Variants in SLC4A10 observed in about 807,000 individuals in gnomAD.
The protein encoded by SLC4A10 is sodium-driven chloride bicarbonate exchanger.
A neutral mutation model predicts 137.7 loss-of-function variants in SLC4A10; 42 were observed. The observed-to-expected ratio is 0.30, with a 90% CI of 0.24 to 0.39. The LOEUF (loss-of-function observed/expected upper bound fraction) is 0.39. Among genes scored for constraint, SLC4A10 ranks in the 10% least tolerant of loss-of-function variants. SLC4A10 has a pLI of 1.00. For missense variants in SLC4A10, 925 were observed against 1,355.0 expected (o/e 0.68, Z 4.98); for synonymous variants, 474 against 464.1 (o/e 1.02, Z -0.27).
intron 1 of SLC4A10, among the ~76,000 whole-genome samples, chr2:161,682,540 G>C (rs1324769085): frequency 2.6e-5 from 4 of 152,086 alleles, no homozygotes; most frequent in African/African-American, 9.7e-5. Context: ...ATGAGATGCT[G>C]TTTTGTTTAT....
intron 3 of SLC4A10, among the ~76,000 whole-genome samples, chr2:161,807,159 G>A (rs1559292879): frequency 6.6e-6 from 1 of 152,026 alleles, no homozygotes; most frequent in African/African-American, 2.4e-5. Context: ...GGAAAGACCT[G>A]CCCCCCATGA....
intron 15 of SLC4A10, among the ~76,000 whole-genome samples, chr2:161,938,992 A>G (rs1692142638): frequency 6.6e-6 from 1 of 152,130 alleles, no homozygotes; most frequent in Non-Finnish European, 1.5e-5. Flanking sequence ...TCTAAATAAT[A>G]TGCTTATATT....
chr2:161,734,301 C>T (rs1009953345), intron 1 of SLC4A10, among the ~76,000 whole-genome samples: 4 of 152,094 alleles, frequency 2.6e-5, no homozygotes, highest in Non-Finnish European at 5.9e-5. Flanking sequence ...TGTGGGAGAT[C>T]ATTTGAATCA....
At chr2:161,978,629 C>G (rs1469918880) in intron 26 of SLC4A10, among the ~76,000 whole-genome samples, 2 of 152,106 alleles carry the variant, frequency 1.3e-5, no homozygotes, top group Non-Finnish European at 2.9e-5. Flanking sequence ...CTATACCAAA[C>G]AGTATAAACA....
At chr2:161,917,906 C>T (rs1317638361) in intron 15 of SLC4A10, among the ~76,000 whole-genome samples, 1 of 152,126 alleles carries the variant, frequency 6.6e-6, no homozygotes, top group Non-Finnish European at 1.5e-5. Flanking sequence ...ATGATTATCT[C>T]CTCTACTCAG....
chr2:161,943,654 T>C (rs1029378807), intron 16 of SLC4A10, among the ~76,000 whole-genome samples: 2 of 152,046 alleles, frequency 1.3e-5, no homozygotes, highest in African/African-American at 4.8e-5. Flanking sequence ...AATATTAAAA[T>C]CTGAGTAGCC....
intron 1 of SLC4A10, among the ~76,000 whole-genome samples, chr2:161,631,880 G>A (rs116474293): frequency 6.1e-4 from 93 of 151,828 alleles, no homozygotes; most frequent in African/African-American, 1.9e-3. Flanking sequence ...GAGTGAGGAT[G>A]TATTATAGCC....
At chr2:161,873,707 TG>T (rs2061288363) in intron 7 of SLC4A10, 1 of 456,724 alleles carries the variant, frequency 2.2e-6, no homozygotes, top group Admixed American at 3.3e-5. Context: ...TGGGAGGAGG[TG>T]GGAATGGATG....
At chr2:161,812,770 A>C (rs1227366671) in intron 3 of SLC4A10, among the ~76,000 whole-genome samples, 1 of 151,882 alleles carries the variant, frequency 6.6e-6, no homozygotes, top group Admixed American at 6.6e-5. Context: ...CCTCACCCTA[A>C]TGGTACCTAG....
chr2:161,943,334 A>C (rs950567272), intron 16 of SLC4A10, among the ~76,000 whole-genome samples: 13 of 152,040 alleles, frequency 8.6e-5, no homozygotes, highest in African/African-American at 2.9e-4. Flanking sequence ...AGTCTTTGGG[A>C]GGAACAAATA....
intron 1 of SLC4A10, among the ~76,000 whole-genome samples, chr2:161,629,519 C>T (rs1405107211): frequency 1.3e-5 from 2 of 151,842 alleles, no homozygotes; most frequent in Non-Finnish European, 2.9e-5. Context: ...AACAAGATCT[C>T]TCACCAGAGT....
At chr2:161,842,578 C>A (rs114631553) in intron 4 of SLC4A10, among the ~76,000 whole-genome samples, 2 of 152,004 alleles carry the variant, frequency 1.3e-5, no homozygotes, top group Non-Finnish European at 1.5e-5. Flanking sequence ...TCAGTATGAA[C>A]TAACCTTTTT....
In SLC4A10 at chr2:161,767,178, ATGTGTGTGTG is replaced by A. The variant is rs71009338; in HGVS notation, c.49-3779_49-3770del. 6.7e-4 allele frequency among the ~76,000 whole-genome samples: 64 copies of A among 95,946 alleles called. 1 individual carries two copies. The highest frequency in any genetic ancestry group is 5.4e-3 in the East Asian group (16 of 2,976). 62.9% of individuals were successfully genotyped at this position (95,946 alleles called of 152,430 possible). A position where few individuals can be genotyped will look rare whatever the true frequency, so the allele number is the denominator to read the frequency against. ...GTGTGTGTGTGTTTTATTTATATAT[ATGTGTGTGTG>A]TGTGTGTGTGTGTGTATATATATAT... On this transcript the variant is annotated intron_variant, in intron 1 of 26. Coordinates refer to ENST00000446997, the MANE Select transcript of SLC4A10 (RefSeq NM_001178015.2).
intron 1 of SLC4A10, among the ~76,000 whole-genome samples, chr2:161,761,702 T>C (rs2050269763): frequency 6.6e-6 from 1 of 152,130 alleles, no homozygotes; most frequent in Non-Finnish European, 1.5e-5. Flanking sequence ...CTAGGAGAGA[T>C]AGTATTCCTT....
chr2:161,761,456 G>A (rs759602732), intron 1 of SLC4A10, among the ~76,000 whole-genome samples: 1 of 151,924 alleles, frequency 6.6e-6, no homozygotes, highest in Non-Finnish European at 1.5e-5. Flanking sequence ...GTTCCAATAA[G>A]GAAATCTAGT....
At chr2:161,969,750 A>G (rs1434307161) in intron 23 of SLC4A10, among the ~76,000 whole-genome samples, 1 of 152,210 alleles carries the variant, frequency 6.6e-6, no homozygotes, top group Non-Finnish European at 1.5e-5. Context: ...ATCCCAATGC[A>G]GGATCATGAA....
At chr2:161,821,131 T>C (rs1175598555) in intron 3 of SLC4A10, among the ~76,000 whole-genome samples, 2 of 152,182 alleles carry the variant, frequency 1.3e-5, no homozygotes, top group Non-Finnish European at 1.5e-5. Context: ...TTTTATTGAT[T>C]TGTAGAAGTT....
At chr2:161,960,730 A>AG (rs1696545533) in intron 21 of SLC4A10, among the ~76,000 whole-genome samples, 2 of 121,466 alleles carry the variant, frequency 1.6e-5, no homozygotes, top group South Asian at 5.6e-4. Flanking sequence ...AAAAAAAAAG[A>AG]AAAAAAAAAA....
chr2:161,650,746 AG>A, intron 1 of SLC4A10, among the ~76,000 whole-genome samples: 1 of 152,016 alleles, frequency 6.6e-6, no homozygotes, highest in Admixed American at 6.5e-5. Context: ...TTAAAACACC[AG>A]CCCCCTGCTG....
Sources: gnomAD v4.1 joint callset for allele counts (sites outside exome capture counted in the v4.1 genomes callset) on GRCh38, gnomAD v4.1.1 for gene constraint, MANE v1.5 for transcripts, NCBI Gene and HGNC (gene_info 2026-07-23, HGNC 2026-07-21) for gene names.